The following GNAS-AS1 variants were observed in gnomAD, a reference collection of about 807,000 sequenced individuals.
GNAS-AS1 encodes the protein GNAS antisense RNA 1 (non-protein coding).
intron 4 of GNAS-AS1, among the ~76,000 whole-genome samples, chr20:58,820,335 A>G (rs996924898): frequency 6.6e-6 from 1 of 152,192 alleles, no homozygotes. Flanking sequence ...GAGCCTCTAG[A>G]AGCACCAGGT....
chr20:58,831,040 C>G (rs1196282225), intron 4 of GNAS-AS1, among the ~76,000 whole-genome samples: 1 of 152,132 alleles, frequency 6.6e-6, no homozygotes. Context: ...AGGATGAAGT[C>G]AGAGAAAGCC....
At chr20:58,826,125 AG>A in intron 4 of GNAS-AS1, 1 of 398,686 alleles carries the variant, frequency 2.5e-6, no homozygotes, top group Non-Finnish European at 4.4e-6. Context: ...GAGAACTTTC[AG>A]CACACTGAAG....
intron 4 of GNAS-AS1, among the ~76,000 whole-genome samples, chr20:58,828,063 T>C (rs994197442): frequency 6.6e-6 from 1 of 152,198 alleles, no homozygotes; most frequent in Non-Finnish European, 1.5e-5. Flanking sequence ...ACCTTAATGC[T>C]CCTATTTTAG....
Position 58,840,308 on chromosome 20 carries a change from C to T in GNAS-AS1, n.819+1629G>A, listed in dbSNP as rs1228151376. On this transcript the variant is annotated intron_variant and non_coding_transcript_variant, in intron 4 of 4. Transcript: ENST00000424094. The surrounding 1 kb of genome is among the most constrained non-coding windows in gnomAD (Gnocchi z 6.0). ...ACAGCGCCGGAGCTTCCTTAACGCC[C>T]ACCACCGCTCCGGCGCCCAGGTATT... 6.2e-7 allele frequency: 1 copy of T among 1,612,778 alleles called. No homozygotes were observed.
At chr20:58,836,409 G>A (rs2085603522) in intron 4 of GNAS-AS1, 1 of 152,188 alleles carries the variant, frequency 6.6e-6, no homozygotes, top group Non-Finnish European at 1.5e-5. Flanking sequence ...TCTTCCACAT[G>A]AAAATCCTTT....
chr20:58,839,939 A>C, intron 4 of GNAS-AS1: 1 of 666,236 alleles, frequency 1.5e-6, no homozygotes, highest in Non-Finnish European at 2.6e-6. Context: ...GTGGTCAGGA[A>C]GGTAGGTGCT....
At chr20:58,848,088 G>A (rs1600683444) in intron 2 of GNAS-AS1, among the ~76,000 whole-genome samples, 1 of 152,226 alleles carries the variant, frequency 6.6e-6, no homozygotes, top group South Asian at 2.1e-4. Context: ...TTTGCCACCT[G>A]TGGCACCTGG....
chr20:58,837,599 C>T (rs1466579265), intron 4 of GNAS-AS1, among the ~76,000 whole-genome samples: 2 of 152,220 alleles, frequency 1.3e-5, no homozygotes, highest in Admixed American at 1.3e-4. Flanking sequence ...TGCGTCAACA[C>T]GCCTGGCTAA....
intron 4 of GNAS-AS1, among the ~76,000 whole-genome samples, chr20:58,837,716 C>A (rs1396690368): frequency 1.3e-5 from 2 of 152,180 alleles, no homozygotes; most frequent in Non-Finnish European, 2.9e-5. Flanking sequence ...GTGCTGGGAT[C>A]ATAGGTGAGA....
chr20:58,827,976 A>C (rs1032449662), intron 4 of GNAS-AS1, among the ~76,000 whole-genome samples: 7 of 134,698 alleles, frequency 5.2e-5, no homozygotes, highest in Admixed American at 1.5e-4. Flanking sequence ...GGCTGGGAGA[A>C]GCTGCTGATA....
Position 58,840,448 on chromosome 20 carries a change from G to C in GNAS-AS1, n.819+1489C>G. 6.2e-7 allele frequency: 1 copy of C among 1,613,566 alleles called. No individual in the cohort carries two copies. The highest frequency in any genetic ancestry group is 1.7e-5 in the Admixed American group (1 of 60,032). On this transcript the variant is annotated intron_variant and non_coding_transcript_variant, in intron 4 of 4. Coordinates refer to ENST00000424094, the Ensembl canonical transcript of GNAS-AS1. This position sits in a 1 kb window ranked among gnomAD's most constrained non-coding sequence, Gnocchi z 6.0. ...AGTTCGACTACGAGACCGAGAGCGA[G>C]ACCGAGTCCGAAATCGAGTCCGAGA...
In GNAS-AS1 at chr20:58,841,597, A is replaced by G; in HGVS notation, n.819+340T>C. Reference sequence around the variant, plus strand: ...GCTCGCGGGACAGAGACCGCCTCAAAGAGCGTGCGCACCTGCCCGCGCGCG... The same window carrying G: ...GCTCGCGGGACAGAGACCGCCTCAAGGAGCGTGCGCACCTGCCCGCGCGCG... On this transcript the variant is annotated intron_variant and non_coding_transcript_variant, in intron 4 of 4. Coordinates refer to ENST00000424094, the Ensembl canonical transcript of GNAS-AS1. The surrounding 1 kb of genome is among the most constrained non-coding windows in gnomAD (Gnocchi z 5.0). The G allele has an allele frequency of 9.8e-7, 1 of 1,023,012 alleles. No individual in the cohort carries two copies. Among genetic ancestry groups the G allele is most frequent in the African/African-American group, 1.7e-5 (1 of 58,926 alleles). The allele number at this position is 1,023,012 out of a possible 1,614,324, so 63.4% of individuals were successfully genotyped here.
chr20:58,823,554 G>A (rs1049123859), intron 4 of GNAS-AS1, among the ~76,000 whole-genome samples: 3 of 152,214 alleles, frequency 2.0e-5, no homozygotes, highest in African/African-American at 7.2e-5. Flanking sequence ...ACCCCAGTGG[G>A]CCCCATGGCC....
At chr20:58,850,625 C>G (rs951770688) in exon 1 of GNAS-AS1, 1 of 399,150 alleles carries the variant, frequency 2.5e-6, no homozygotes, top group South Asian at 1.3e-4. Flanking sequence ...GGTCCTGGCC[C>G]TCTACCTCCC....
At chr20:58,830,597 C>A (rs1344654344) in intron 4 of GNAS-AS1, among the ~76,000 whole-genome samples, 2 of 134,876 alleles carry the variant, frequency 1.5e-5, no homozygotes, top group Non-Finnish European at 3.2e-5. Flanking sequence ...ACAATCACCA[C>A]CACCACCATC....
intron 2 of GNAS-AS1, among the ~76,000 whole-genome samples, chr20:58,845,516 G>A (rs970589531): frequency 1.4e-4 from 21 of 152,060 alleles, no homozygotes; most frequent in African/African-American, 4.8e-4. Context: ...ATACATGCAT[G>A]GGATAAACAA....
rs759617960 is a variant in GNAS-AS1 at position 58,840,392 on chromosome 20, T to G, written n.819+1545A>C. On this transcript the variant is annotated intron_variant and non_coding_transcript_variant, in intron 4 of 4. Coordinates refer to ENST00000424094, the Ensembl canonical transcript of GNAS-AS1. The surrounding 1 kb of genome is among the most constrained non-coding windows in gnomAD (Gnocchi z 6.0). Reference sequence around the variant, plus strand: ...GCACGAGGAGGCAGACCTTGAGCTGTCCCTCCCCGAGTGCCTAGAGTACGA... The same window carrying G: ...GCACGAGGAGGCAGACCTTGAGCTGGCCCTCCCCGAGTGCCTAGAGTACGA... The G allele has an allele frequency of 6.2e-7, 1 of 1,613,320 alleles. No homozygotes were observed. Among genetic ancestry groups the G allele is most frequent in the Admixed American group, 1.7e-5 (1 of 60,022 alleles).
intron 4 of GNAS-AS1, chr20:58,834,157 A>G (rs561919629): frequency 3.9e-5 from 6 of 152,272 alleles, no homozygotes; most frequent in Non-Finnish European, 7.3e-5. Flanking sequence ...TCCTCAGCAG[A>G]TAAGATGAAA....
chr20:58,822,289 AGGGAGAACAAGTGCAAATGC>A (rs1455942574), intron 4 of GNAS-AS1, among the ~76,000 whole-genome samples: 2 of 152,204 alleles, frequency 1.3e-5, no homozygotes, highest in Non-Finnish European at 2.9e-5. Context: ...ACTTTACTGC[AGGGAGAACAAGTGCAAATGC>A]CTAAGGAGGC....
Sources: gnomAD v4.1 joint callset for allele counts (sites outside exome capture counted in the v4.1 genomes callset) on GRCh38, gnomAD v4.1.1 for gene constraint, Gnocchi (gnomAD v3.1) non-coding constraint, MANE v1.5 for transcripts, NCBI Gene and HGNC (gene_info 2026-07-23, HGNC 2026-07-21) for gene names.